Variants in TPH2 observed in about 807,000 individuals in gnomAD.
TPH2 encodes tryptophan 5-hydroxylase 2.
Under a neutral mutation model 59.1 loss-of-function variants are expected in TPH2, and 27 were observed. The ratio of observed to expected loss-of-function variants is 0.46; its 90% CI spans 0.34 to 0.63. The LOEUF (loss-of-function observed/expected upper bound fraction) is 0.63. TPH2 is among the 30% of genes least tolerant of loss of function. The pLI, the probability that TPH2 is intolerant of heterozygous loss-of-function variation, is 0.01. For missense variants in TPH2, 523 were observed against 588.3 expected, an observed-to-expected ratio of 0.89 and a Z score of 1.15; for synonymous variants, 220 against 210.5, an observed-to-expected ratio of 1.05 and a Z score of -0.39.
intron 8 of TPH2, among the ~76,000 whole-genome samples, chr12:71,995,099 A>T (rs1376703716): frequency 1.3e-5 from 2 of 152,232 alleles, no homozygotes; most frequent in Non-Finnish European, 2.9e-5. Flanking sequence ...AATTTGAGTC[A>T]ACAAGCAATA....
At chr12:72,016,191 A>T (rs1873247940) in intron 8 of TPH2, among the ~76,000 whole-genome samples, 2 of 152,196 alleles carry the variant, frequency 1.3e-5, no homozygotes, top group South Asian at 4.1e-4. Flanking sequence ...GTAAGATAAC[A>T]TATGTGAGAA....
At chr12:72,014,668 G>T (rs1422651049) in intron 8 of TPH2, among the ~76,000 whole-genome samples, 1 of 152,150 alleles carries the variant, frequency 6.6e-6, no homozygotes, top group East Asian at 1.9e-4. Flanking sequence ...TGGGATTACA[G>T]GCGTGAACCA....
rs146870035 is a variant in TPH2, at chr12:71,954,021, G to T, written c.608+4366G>T. Among the ~76,000 whole-genome samples the T allele has an allele frequency of 2.9e-3, 437 of 152,198 alleles. 2 individuals carry two copies. The highest frequency in any genetic ancestry group is 0.01 in the African/African-American group (422 of 41,526). ...AACCAAGAAGCCCTCTGGGGGATTC[G>T]TGTTGAATACTATATTTTCTGTGAT... On this transcript the variant is annotated intron_variant, in intron 5 of 10. Coordinates refer to ENST00000333850, the MANE Select transcript of TPH2 (RefSeq NM_173353.4).
At chr12:72,002,361 A>T (rs140102848) in intron 8 of TPH2, among the ~76,000 whole-genome samples, 407 of 152,274 alleles carry the variant, frequency 2.7e-3, no homozygotes, top group Non-Finnish European at 4.4e-3. Context: ...ACAGAAAGGG[A>T]AGAGAAAGAG....
At chr12:71,998,505 A>C (rs1300669177) in intron 8 of TPH2, among the ~76,000 whole-genome samples, 1 of 152,190 alleles carries the variant, frequency 6.6e-6, no homozygotes, top group Non-Finnish European at 1.5e-5. Context: ...AGTCTTGAAA[A>C]AAAACCCCAC....
At chr12:71,967,449 G>A (rs928851401) in intron 5 of TPH2, among the ~76,000 whole-genome samples, 3 of 152,140 alleles carry the variant, frequency 2.0e-5, no homozygotes, top group Non-Finnish European at 2.9e-5. Flanking sequence ...TAGTACTGCC[G>A]TCGCTGAACA....
chr12:71,984,074 G>A (rs1179483403), intron 7 of TPH2, among the ~76,000 whole-genome samples: 1 of 152,124 alleles, frequency 6.6e-6, no homozygotes, highest in Non-Finnish European at 1.5e-5. Context: ...AAATCAAAGA[G>A]CAAACTTTCA....
At chr12:72,008,949 ATG>A (rs145064810) in intron 8 of TPH2, among the ~76,000 whole-genome samples, 5 of 151,502 alleles carry the variant, frequency 3.3e-5, no homozygotes, top group South Asian at 2.1e-4. Flanking sequence ...AGCAGTGTGC[ATG>A]TGTGTGTGTG....
Position 72,031,561 on chromosome 12 carries a change from T to G in TPH2, c.1339T>G (p.Phe447Val). Residue 447 changes from phenylalanine to valine, a missense_variant, in exon 11 of 11, where the codon TTC (phenylalanine) becomes GTC (valine). Physicochemically the swap from Phe to Val is conservative, Grantham distance 50. Coordinates refer to ENST00000333850, the MANE Select transcript of TPH2 (RefSeq NM_173353.4). The part of the protein sequence containing the change: ...KSITRPFSVY[F>V]NPYTQSIEIL... ...AATTACCCGTCCCTTCTCAGTATAC[T>G]TCAATCCCTACACACAGAGTATTGA... The G allele has an allele frequency of 6.2e-7, 1 of 1,613,666 alleles. No individual in the cohort carries two copies. The highest frequency in any genetic ancestry group is 8.5e-7 in the Non-Finnish European group (1 of 1,179,672).
chr12:71,993,909 A>G (rs1194943288), intron 7 of TPH2, among the ~76,000 whole-genome samples: 1 of 152,210 alleles, frequency 6.6e-6, no homozygotes, highest in Non-Finnish European at 1.5e-5. Context: ...CAGCTAGTTA[A>G]TTATTTTAGC....
Position 72,031,849 on chromosome 12 carries a change from T to A in TPH2, c.*154T>A. 1.2e-6 allele frequency: 1 copy of A among 837,634 alleles called. No homozygotes were observed. Among genetic ancestry groups the A allele is most frequent in the Non-Finnish European group, 2.0e-6 (1 of 506,604 alleles). The allele number at this position is 837,634 out of a possible 1,614,324, so 51.9% of individuals were successfully genotyped here. On this transcript the variant is annotated 3_prime_UTR_variant, in exon 11 of 11. Coordinates refer to ENST00000333850, the MANE Select transcript of TPH2 (RefSeq NM_173353.4). ...ACCATCTTGTAACTCACTGTGTTAGTATATAAAGCACCATAAGAAATCCAA... is the reference window on the plus strand; with the variant it reads ...ACCATCTTGTAACTCACTGTGTTAGAATATAAAGCACCATAAGAAATCCAA...
intron 7 of TPH2, among the ~76,000 whole-genome samples, chr12:71,991,697 G>C (rs564662543): frequency 6.6e-6 from 1 of 152,002 alleles, no homozygotes; most frequent in African/African-American, 2.4e-5. Context: ...GAGTCCATAG[G>C]GTCCACTCCC....
At chr12:71,968,437 C>T (rs1247259220) in intron 5 of TPH2, among the ~76,000 whole-genome samples, 1 of 152,180 alleles carries the variant, frequency 6.6e-6, no homozygotes, top group Non-Finnish European at 1.5e-5. Context: ...CATTAGACTT[C>T]ATGTTCACGT....
At chr12:71,964,578 T>C (rs1871763758) in intron 5 of TPH2, 5 of 985,356 alleles carry the variant, frequency 5.1e-6, no homozygotes, top group Non-Finnish European at 6.0e-6. Context: ...TGGCTGTATA[T>C]TGTAGACACC....
At chr12:71,997,427 T>C (rs1872721234) in intron 8 of TPH2, among the ~76,000 whole-genome samples, 1 of 152,200 alleles carries the variant, frequency 6.6e-6, no homozygotes, top group Non-Finnish European at 1.5e-5. Context: ...TTTCTACTTT[T>C]ACACTTTCTG....
At chr12:71,978,873 T>A in intron 6 of TPH2, 79 bp from the exon 7 acceptor site, 1 of 1,569,242 alleles carries the variant, frequency 6.4e-7, no homozygotes, top group Non-Finnish European at 8.8e-7. Flanking sequence ...ATCTTCCTTA[T>A]AAATAGTAGA....
At chr12:71,969,514 C>T (rs1355867395) in intron 5 of TPH2, among the ~76,000 whole-genome samples, 1 of 152,012 alleles carries the variant, frequency 6.6e-6, no homozygotes, top group East Asian at 1.9e-4. Flanking sequence ...TCCTGGTGCC[C>T]CAAACACATG....
intron 5 of TPH2, among the ~76,000 whole-genome samples, chr12:71,971,163 C>T (rs113804760): frequency 2.0e-5 from 3 of 152,190 alleles, no homozygotes; most frequent in Admixed American, 1.3e-4. Flanking sequence ...GAAGATGCCC[C>T]TCTCACTGCA....
chr12:71,962,072 T>G, intron 5 of TPH2: 1 of 1,001,518 alleles, frequency 1.0e-6, no homozygotes, highest in South Asian at 4.3e-5. Flanking sequence ...CCTAGGGGAC[T>G]AGCTGAAAAT....
Sources: gnomAD v4.1 joint callset for allele counts (sites outside exome capture counted in the v4.1 genomes callset) on GRCh38, gnomAD v4.1.1 for gene constraint, MANE v1.5 for transcripts, NCBI Gene and HGNC (gene_info 2026-07-23, HGNC 2026-07-21) for gene names.